Variants in PLCH1 observed in about 807,000 individuals in gnomAD.
The protein encoded by PLCH1 is phospholipase C eta 1, also known as 1-phosphatidylinositol 4,5-bisphosphate phosphodiesterase eta-1.
A neutral mutation model predicts 126.7 loss-of-function variants in PLCH1; 60 were observed. The observed-to-expected ratio is 0.47, with a 90% confidence interval of 0.38 to 0.59. The LOEUF is 0.59. Ranked by LOEUF, PLCH1 falls within the 20% of genes least tolerant of loss-of-function variation. The probability of loss-of-function intolerance (pLI) is 0.00; values close to 1 mark genes in which losing one functional copy is unlikely to be tolerated. For missense variants in PLCH1, 1,723 were observed against 2,040.0 expected, an observed-to-expected ratio of 0.84 and a Z score of 2.99; for synonymous variants, 719 against 734.9, an observed-to-expected ratio of 0.98 and a Z score of 0.35.
At chr3:155,582,245 G>A (rs1011797920) in intron 6 of PLCH1, among the ~76,000 whole-genome samples, 1 of 151,180 alleles carries the variant, frequency 6.6e-6, no homozygotes, top group Non-Finnish European at 1.5e-5. Context: ...ACCACAGCCA[G>A]CTAATTTTTG....
intron 21 of PLCH1, among the ~76,000 whole-genome samples, chr3:155,465,464 A>G (rs1712893780): frequency 1.3e-5 from 2 of 152,022 alleles, no homozygotes; most frequent in Non-Finnish European, 1.5e-5. Flanking sequence ...TTGGACCCCA[A>G]ATGAACAGCA....
At chr3:155,486,880 G>A (rs369968333) in intron 21 of PLCH1, 1 of 152,146 alleles carries the variant, frequency 6.6e-6, no homozygotes. Context: ...TGTGATAAAT[G>A]CTAGAGATAA....
intron 10 of PLCH1, among the ~76,000 whole-genome samples, chr3:155,530,929 AAAC>A (rs1312201560): frequency 6.6e-6 from 1 of 152,378 alleles, no homozygotes; most frequent in African/African-American, 2.4e-5. Context: ...GCAGGCATGA[AAAC>A]AACATTAATC....
chr3:155,527,768 A>C (rs960503509), intron 10 of PLCH1, among the ~76,000 whole-genome samples: 5 of 151,870 alleles, frequency 3.3e-5, no homozygotes, highest in African/African-American at 1.2e-4. Context: ...AAAAATACAA[A>C]AATTAGCCAG....
At chr3:155,604,101 A>G (rs1734074820) in intron 2 of PLCH1, among the ~76,000 whole-genome samples, 1 of 152,110 alleles carries the variant, frequency 6.6e-6, no homozygotes, top group African/African-American at 2.4e-5. Flanking sequence ...CCTAGACTCA[A>G]TCAATCAATC....
chr3:155,469,725 A>G (rs1713099276), intron 21 of PLCH1, among the ~76,000 whole-genome samples: 1 of 151,814 alleles, frequency 6.6e-6, no homozygotes, highest in Admixed American at 6.6e-5. Flanking sequence ...GCAGCTGGAG[A>G]TCTGAGAACG....
At chr3:155,541,266 C>G (rs567697705) in intron 10 of PLCH1, among the ~76,000 whole-genome samples, 10 of 152,258 alleles carry the variant, frequency 6.6e-5, no homozygotes, top group African/African-American at 2.4e-4. Context: ...GGATAAAAGA[C>G]TGCTCACTGG....
chr3:155,594,162 T>C lies in PLCH1; in HGVS notation c.249A>G (p.Lys83=), dbSNP rs746342291. ...KAKILIDSIY[K]VTEGRQSEIF... ...TTTCAGACTGCCGGCCCTCAGTCAC[T>C]TTGTAAATGGAATCAATAAGTACTG... Residue 83 remains lysine (K), a synonymous_variant, in exon 4 of 23, where the codon AAA becomes AAG. Transcript: ENST00000460012. 6.2e-7 allele frequency: 1 copy of C among 1,613,986 alleles called. No homozygotes were observed. Among genetic ancestry groups the C allele is most frequent in the East Asian group, 2.2e-5 (1 of 44,886 alleles).
chr3:155,562,735 G>A (rs901211895), intron 8 of PLCH1, among the ~76,000 whole-genome samples: 2 of 152,192 alleles, frequency 1.3e-5, no homozygotes, highest in Admixed American at 6.5e-5. Flanking sequence ...TTTATACTGA[G>A]TGGATGATGT....
chr3:155,509,179 T>A (rs1719112400), intron 12 of PLCH1, among the ~76,000 whole-genome samples: 1 of 139,340 alleles, frequency 7.2e-6, no homozygotes, highest in South Asian at 2.2e-4. Context: ...TAGTTTGCAT[T>A]TCTGTGCGAT....
chr3:155,613,976 A>C (rs1735467366), intron 2 of PLCH1, among the ~76,000 whole-genome samples: 1 of 152,238 alleles, frequency 6.6e-6, no homozygotes, highest in African/African-American at 2.4e-5. Context: ...CAATGTACAC[A>C]AATCAGTAGC....
chr3:155,494,554 C>G, intron 15 of PLCH1, 37 bp from the exon 16 acceptor site: 1 of 1,536,716 alleles, frequency 6.5e-7, no homozygotes, highest in Non-Finnish European at 9.0e-7. Context: ...GAAGTGAGAA[C>G]TACAGCAAAG....
chr3:155,528,559 T>TA (rs1253357061), intron 10 of PLCH1, among the ~76,000 whole-genome samples: 1 of 152,200 alleles, frequency 6.6e-6, no homozygotes, highest in Non-Finnish European at 1.5e-5. Context: ...ACAAGACATT[T>TA]AAAATGTAGT....
At chr3:155,716,016 T>G (rs934205307) in intron 1 of PLCH1, among the ~76,000 whole-genome samples, 2 of 152,226 alleles carry the variant, frequency 1.3e-5, no homozygotes, top group Non-Finnish European at 2.9e-5. Flanking sequence ...AGGTTAAGCA[T>G]GTGTTAGCTA....
chr3:155,492,718 A>C lies in PLCH1; in HGVS notation c.2307+11T>G, dbSNP rs763033447. ...ATTAACCACTTAGACACGTAGTCATAGGCAACTTACCTCGCCTCGATCTCC... is the reference window on the plus strand; with the variant it reads ...ATTAACCACTTAGACACGTAGTCATCGGCAACTTACCTCGCCTCGATCTCC... On this transcript the variant is annotated intron_variant, in intron 18 of 22. Coordinates refer to ENST00000460012, the MANE Select transcript of PLCH1 (RefSeq NM_014996.4). 2.6e-6 allele frequency: 4 copies of C among 1,557,328 alleles called. No individual in the cohort carries two copies. The Admixed American group carries it at 6.2e-5, about 24-fold the overall frequency.
At chr3:155,566,262 CAT>C (rs1381564191) in intron 7 of PLCH1, among the ~76,000 whole-genome samples, 613 of 56,266 alleles carry the variant, frequency 0.011, 209 homozygotes, top group Middle Eastern at 0.026. Flanking sequence ...TATATATACA[CAT>C]ATATATACAT....
chr3:155,556,352 C>T (rs1726821510), intron 8 of PLCH1, among the ~76,000 whole-genome samples: 1 of 152,130 alleles, frequency 6.6e-6, no homozygotes, highest in African/African-American at 2.4e-5. Context: ...GAAACTCCGT[C>T]TCAAAATAAA....
intron 2 of PLCH1, among the ~76,000 whole-genome samples, chr3:155,638,977 C>T (rs1739059673): frequency 6.6e-6 from 1 of 152,014 alleles, no homozygotes; most frequent in South Asian, 2.1e-4. Context: ...TAACAGTTTC[C>T]CCCAAAAAGT....
At chr3:155,639,581 T>C (rs1967426) in intron 2 of PLCH1, among the ~76,000 whole-genome samples, 1 of 151,742 alleles carries the variant, frequency 6.6e-6, no homozygotes, top group East Asian at 1.9e-4. Context: ...AGGGAAGGAG[T>C]GGGCTAAGGG....
Sources: gnomAD v4.1 joint callset for allele counts (sites outside exome capture counted in the v4.1 genomes callset) on GRCh38, gnomAD v4.1.1 for gene constraint, MANE v1.5 for transcripts, NCBI Gene and HGNC (gene_info 2026-07-23, HGNC 2026-07-21) for gene names.